The following PARD3 variants were observed in gnomAD, a reference collection of about 807,000 sequenced individuals.
PARD3 encodes par-3 family cell polarity regulator.
Under a neutral mutation model 155.4 loss-of-function variants are expected in PARD3, and 75 were observed. The ratio of observed to expected loss-of-function variants is 0.48; its 90% CI spans 0.40 to 0.58. PARD3 has a LOEUF of 0.58. PARD3 is among the 20% of genes least tolerant of loss of function. The probability of loss-of-function intolerance (pLI) is 0.00; values close to 1 mark genes in which losing one functional copy is unlikely to be tolerated. For missense variants in PARD3, 1,642 were observed against 1,721.7 expected, an observed-to-expected ratio of 0.95 and a Z score of 0.82; for synonymous variants, 576 against 610.5, an observed-to-expected ratio of 0.94 and a Z score of 0.83.
chr10:34,293,485 C>CTA (rs1241864267), intron 20 of PARD3, among the ~76,000 whole-genome samples: 2 of 151,956 alleles, frequency 1.3e-5, no homozygotes, highest in African/African-American at 2.4e-5. Flanking sequence ...TACAAACATA[C>CTA]TATATATATA....
intron 1 of PARD3, among the ~76,000 whole-genome samples, chr10:34,713,629 G>A (rs568369154): frequency 1.3e-5 from 2 of 152,190 alleles, no homozygotes; most frequent in South Asian, 4.2e-4. Flanking sequence ...AGTCAGGCGT[G>A]GTGTTCTGCA....
chr10:34,479,449 G>A (rs963034403), intron 3 of PARD3, among the ~76,000 whole-genome samples: 2 of 152,118 alleles, frequency 1.3e-5, no homozygotes, highest in African/African-American at 4.8e-5. Context: ...TGGGGCGCGT[G>A]AGCCACGGCA....
chr10:34,529,391 TG>T (rs2082686764), intron 2 of PARD3, among the ~76,000 whole-genome samples: 3 of 152,274 alleles, frequency 2.0e-5, no homozygotes, highest in South Asian at 4.2e-4. Context: ...AAAAGTAGCA[TG>T]GAATAGCTGG....
At chr10:34,465,245 T>C (rs1256429222) in intron 4 of PARD3, among the ~76,000 whole-genome samples, 3 of 152,126 alleles carry the variant, frequency 2.0e-5, no homozygotes, top group Non-Finnish European at 2.9e-5. Context: ...CACAGAAGCC[T>C]GATGGCATTT....
chr10:34,143,049 C>T (rs187570078), intron 22 of PARD3, among the ~76,000 whole-genome samples: 5 of 152,250 alleles, frequency 3.3e-5, no homozygotes, highest in East Asian at 3.9e-4. Flanking sequence ...AGGCTGGGGG[C>T]GGTGGCTTAT....
At chr10:34,258,543 T>G (rs991388194) in intron 22 of PARD3, among the ~76,000 whole-genome samples, 1 of 152,106 alleles carries the variant, frequency 6.6e-6, no homozygotes, top group Non-Finnish European at 1.5e-5. Flanking sequence ...AGGTGACTGA[T>G]AGGCACAGGA....
intron 22 of PARD3, among the ~76,000 whole-genome samples, chr10:34,251,420 A>G (rs1234107143): frequency 6.6e-6 from 1 of 152,210 alleles, no homozygotes. Flanking sequence ...GCAGTGTTCA[A>G]AGTGCCTTAC....
At chr10:34,369,316 GTTTATTTA>G (rs200089677) in intron 12 of PARD3, among the ~76,000 whole-genome samples, 42 of 56,194 alleles carry the variant, frequency 7.5e-4, no homozygotes, top group South Asian at 4.4e-3. Flanking sequence ...TTATTTATTT[GTTTATTTA>G]TTTATTTATT....
intron 2 of PARD3, among the ~76,000 whole-genome samples, chr10:34,644,636 C>T (rs531107998): frequency 6.6e-6 from 1 of 152,338 alleles, no homozygotes; most frequent in Admixed American, 6.5e-5. Flanking sequence ...CAGTCTCACT[C>T]TCATTTCTCA....
intron 1 of PARD3, among the ~76,000 whole-genome samples, chr10:34,780,862 A>G (rs1315661860): frequency 2.0e-5 from 3 of 152,212 alleles, no homozygotes; most frequent in African/African-American, 7.2e-5. Flanking sequence ...AATGCTGAAA[A>G]CTAACATTCA....
intron 2 of PARD3, among the ~76,000 whole-genome samples, chr10:34,565,720 T>C (rs945616072): frequency 6.6e-6 from 1 of 152,174 alleles, no homozygotes; most frequent in Non-Finnish European, 1.5e-5. Flanking sequence ...CATTCACTTT[T>C]CAGATGTGGA....
intron 9 of PARD3, among the ~76,000 whole-genome samples, chr10:34,378,824 T>C (rs1204714320): frequency 1.3e-5 from 2 of 152,046 alleles, no homozygotes; most frequent in Non-Finnish European, 2.9e-5. Flanking sequence ...AAATTAATGA[T>C]GCATTTATAA....
intron 2 of PARD3, among the ~76,000 whole-genome samples, chr10:34,522,737 C>T (rs999526840): frequency 6.6e-6 from 1 of 152,182 alleles, no homozygotes; most frequent in African/African-American, 2.4e-5. Flanking sequence ...TCCACAGACG[C>T]TCTACATCCT....
chr10:34,439,982 A>G (rs992629987), intron 5 of PARD3, among the ~76,000 whole-genome samples: 4 of 152,190 alleles, frequency 2.6e-5, no homozygotes, highest in Non-Finnish European at 4.4e-5. Context: ...CAAAAATACT[A>G]TAGGGCACAT....
intron 1 of PARD3, among the ~76,000 whole-genome samples, chr10:34,719,047 T>C (rs1314035455): frequency 2.6e-5 from 4 of 152,218 alleles, no homozygotes; most frequent in Admixed American, 6.5e-5. Flanking sequence ...ATACACTCCA[T>C]CACAACTTGT....
intron 1 of PARD3, among the ~76,000 whole-genome samples, chr10:34,785,629 C>G (rs1341912936): frequency 1.3e-5 from 2 of 151,866 alleles, no homozygotes; most frequent in Non-Finnish European, 2.9e-5. Flanking sequence ...CCCAGCTATT[C>G]GAGAGGCTGA....
At chr10:34,332,313 T>C (rs1835702770) in intron 18 of PARD3, among the ~76,000 whole-genome samples, 1 of 152,086 alleles carries the variant, frequency 6.6e-6, no homozygotes, top group South Asian at 2.1e-4. Context: ...TACTCAAAGG[T>C]AGACTAATTT....
intron 2 of PARD3, among the ~76,000 whole-genome samples, chr10:34,552,599 A>C (rs997696595): frequency 1.3e-5 from 2 of 152,210 alleles, no homozygotes; most frequent in African/African-American, 4.8e-5. Flanking sequence ...CTGTAATCTC[A>C]GCTATTCAGG....
chr10:34,144,103 G>C (rs990284472), intron 22 of PARD3, among the ~76,000 whole-genome samples: 20 of 152,088 alleles, frequency 1.3e-4, no homozygotes, highest in African/African-American at 4.6e-4. Flanking sequence ...TATTGGTTTG[G>C]AGTTATTGAT....
Sources: allele counts gnomAD v4.1 joint callset (sites outside exome capture counted in the v4.1 genomes callset), GRCh38; gene constraint gnomAD v4.1.1; transcripts MANE v1.5; gene names NCBI Gene and HGNC (gene_info 2026-07-23, HGNC 2026-07-21).